SUSD6: variants seen among roughly 807,000 people sequenced by gnomAD.
The protein encoded by SUSD6 is sushi domain-containing protein 6.
SUSD6 carries 16 observed loss-of-function variants against 28.4 expected under a neutral mutation model. The observed-to-expected ratio is 0.56, with a 90% CI of 0.38 to 0.86. The LOEUF (loss-of-function observed/expected upper bound fraction) is 0.86. Ranked by LOEUF, SUSD6 falls within the 40% of genes least tolerant of loss-of-function variation. The pLI is 0.00. For missense variants in SUSD6, 341 were observed against 384.2 expected, an observed-to-expected ratio of 0.89 and a Z score of 0.94; for synonymous variants, 147 against 159.6, an observed-to-expected ratio of 0.92 and a Z score of 0.59.
intron 2 of SUSD6, among the ~76,000 whole-genome samples, chr14:69,690,570 A>G (rs1054162636): frequency 2.0e-5 from 3 of 152,210 alleles, no homozygotes; most frequent in African/African-American, 7.2e-5. Flanking sequence ...AAAGTAGTGA[A>G]GAAGAGAACT....
At chr14:69,684,660 A>G (rs561329294) in intron 2 of SUSD6, among the ~76,000 whole-genome samples, 1 of 152,346 alleles carries the variant, frequency 6.6e-6, no homozygotes, top group African/African-American at 2.4e-5. Flanking sequence ...GCCAGTGGAA[A>G]CATCGTGTCT....
At chr14:69,698,966 G>A (rs1036999437) in intron 2 of SUSD6, among the ~76,000 whole-genome samples, 3 of 152,206 alleles carry the variant, frequency 2.0e-5, no homozygotes, top group African/African-American at 7.2e-5. Flanking sequence ...TAAGTACAGA[G>A]CTTCCTTCTG....
At chr14:69,653,927 T>C (rs1296371353) in intron 1 of SUSD6, among the ~76,000 whole-genome samples, 1 of 152,064 alleles carries the variant, frequency 6.6e-6, no homozygotes, top group East Asian at 1.9e-4. Flanking sequence ...GATTTAGGGG[T>C]TAGCTTTCCT....
intron 2 of SUSD6, among the ~76,000 whole-genome samples, chr14:69,677,197 C>T (rs955028887): frequency 2.6e-5 from 4 of 152,218 alleles, no homozygotes; most frequent in African/African-American, 7.2e-5. Context: ...TGGGGAAACC[C>T]ACTGAGTCTG....
At chr14:69,658,787 A>G (rs1466058021) in intron 2 of SUSD6, 74 bp downstream of exon 2, 10 of 1,594,082 alleles carry the variant, frequency 6.3e-6, no homozygotes, top group Non-Finnish European at 8.6e-6. Context: ...AGACTAGGAC[A>G]GGGGACTCTC....
chr14:69,702,806 A>C (rs1401977274), intron 2 of SUSD6, among the ~76,000 whole-genome samples: 3 of 152,218 alleles, frequency 2.0e-5, no homozygotes, highest in Non-Finnish European at 4.4e-5. Context: ...GAAACTAGGC[A>C]GTCCTGTATA....
At chr14:69,667,168 G>A (rs925722386) in intron 2 of SUSD6, among the ~76,000 whole-genome samples, 3 of 152,152 alleles carry the variant, frequency 2.0e-5, no homozygotes, top group Admixed American at 1.3e-4. Flanking sequence ...TGGGTATGAG[G>A]ATCAGCCTGT....
At chr14:69,708,047 GT>G (rs1334583964) in intron 4 of SUSD6, among the ~76,000 whole-genome samples, 10 of 152,074 alleles carry the variant, frequency 6.6e-5, no homozygotes, top group African/African-American at 2.4e-4. Flanking sequence ...TCTGTTTTCT[GT>G]ATTTGTGTTC....
At chr14:69,650,733 CA>C (rs1472940697) in intron 1 of SUSD6, among the ~76,000 whole-genome samples, 1 of 152,048 alleles carries the variant, frequency 6.6e-6, no homozygotes, top group African/African-American at 2.4e-5. Context: ...TGTATCTCTG[CA>C]GTGTGCAGAG....
intron 2 of SUSD6, among the ~76,000 whole-genome samples, chr14:69,659,807 C>T (rs970903011): frequency 6.6e-6 from 1 of 152,200 alleles, no homozygotes; most frequent in Non-Finnish European, 1.5e-5. Flanking sequence ...GCGTCAGCCA[C>T]GTGCTCGGCC....
At position 69,651,732 on chromosome 14, in the gene SUSD6, A is replaced by G. The variant is rs550568019; in HGVS notation, c.-80-6781A>G. ...GGGTAGGAGGCATTAAGGTCCAATA[A>G]GTGTTTAGATATGTTTTGATACTGT... On this transcript the variant is annotated intron_variant, in intron 1 of 5. Coordinates refer to ENST00000342745, the MANE Select transcript of SUSD6 (RefSeq NM_014734.4). Among the ~76,000 whole-genome samples, 25 of 152,228 alleles carry G rather than the reference A, an allele frequency of 1.6e-4. No individual in the cohort carries two copies. In the South Asian group the frequency reaches 4.4e-3, roughly 27 times the overall value.
At chr14:69,629,546 G>A (rs1348129103) in intron 1 of SUSD6, among the ~76,000 whole-genome samples, 5 of 152,206 alleles carry the variant, frequency 3.3e-5, no homozygotes, top group Non-Finnish European at 5.9e-5. Flanking sequence ...AGGTTGTTAA[G>A]GGGCACTTCT....
At chr14:69,660,392 T>G in intron 2 of SUSD6, among the ~76,000 whole-genome samples, 1 of 152,198 alleles carries the variant, frequency 6.6e-6, no homozygotes, top group East Asian at 1.9e-4. Flanking sequence ...CTTTTCCCCC[T>G]AGGCATGAGG....
At chr14:69,695,814 CAGAT>C (rs1414685368) in intron 2 of SUSD6, among the ~76,000 whole-genome samples, 2 of 152,190 alleles carry the variant, frequency 1.3e-5, no homozygotes, top group Non-Finnish European at 2.9e-5. Flanking sequence ...GTAAAGTGCT[CAGAT>C]AGTGCCTGGC....
intron 4 of SUSD6, among the ~76,000 whole-genome samples, chr14:69,707,405 G>A (rs1277111194): frequency 1.3e-5 from 2 of 152,190 alleles, no homozygotes; most frequent in African/African-American, 4.8e-5. Context: ...AGTAAAAGAA[G>A]CCAGAAACAG....
At chr14:69,675,611 A>G (rs957531504) in intron 2 of SUSD6, among the ~76,000 whole-genome samples, 10 of 152,150 alleles carry the variant, frequency 6.6e-5, no homozygotes, top group African/African-American at 2.2e-4. Flanking sequence ...GAGAAATAGC[A>G]GGTAGCAATA....
chr14:69,653,747 C>CTTTTTTTTTTTTTTT (rs3048700), intron 1 of SUSD6, among the ~76,000 whole-genome samples: 12 of 93,240 alleles, frequency 1.3e-4, no homozygotes, highest in African/African-American at 4.5e-4. Context: ...CCTAGTGAAA[C>CTTTTTTTTTTTTTTT]TTTTTTTTTT....
At chr14:69,654,790 G>GGTGT (rs34122510) in intron 1 of SUSD6, among the ~76,000 whole-genome samples, 2 of 98,992 alleles carry the variant, frequency 2.0e-5, no homozygotes, top group African/African-American at 4.1e-5. Flanking sequence ...TTTTTTTTTT[G>GGTGT]GTGTGTGTGT....
At chr14:69,655,266 T>G (rs773638973) in intron 1 of SUSD6, among the ~76,000 whole-genome samples, 6 of 152,220 alleles carry the variant, frequency 3.9e-5, no homozygotes, top group Non-Finnish European at 8.8e-5. Context: ...TTTTTAAACC[T>G]CTGTACGGTA....
Sources: allele counts gnomAD v4.1 joint callset (sites outside exome capture counted in the v4.1 genomes callset), GRCh38; gene constraint gnomAD v4.1.1; transcripts MANE v1.5; gene names NCBI Gene and HGNC (gene_info 2026-07-23, HGNC 2026-07-21).